PER1: variants seen among roughly 807,000 people sequenced by gnomAD.
PER1 encodes period circadian protein homolog 1.
A neutral mutation model predicts 125.9 loss-of-function variants in PER1; 87 were observed. The observed-to-expected ratio is 0.69, with a 90% CI of 0.58 to 0.83. PER1 has a LOEUF of 0.83. Among genes scored for constraint, PER1 ranks in the 40% least tolerant of loss-of-function variants. The pLI, the probability that PER1 is intolerant of heterozygous loss-of-function variation, is 0.00. For synonymous variants in PER1, 801 were observed against 714.7 expected (o/e 1.12, Z -1.93); for missense variants, 1,775 against 1,722.8 (o/e 1.03, Z -0.54).
At chr17:8,147,943 G>A in intron 10 of PER1, 54 bp downstream of exon 10, 1 of 1,583,020 alleles carries the variant, frequency 6.3e-7, no homozygotes, top group East Asian at 2.3e-5. Flanking sequence ...CACAAGGGCA[G>A]CCACTCAAAA....
chr17:8,143,342 G>A lies in PER1; in HGVS notation c.2996C>T (p.Ala999Val), dbSNP rs746132049. ...LEELPRAEGA[A>V]VAGGPGSSAG... ...ACTGCTCCCAGGGCCTCCTGCAACA[G>A]CAGCCCCCTCAGCACGGGGGAGCTC... Residue 999 changes from alanine (A) to valine (V), a missense_variant, in exon 19 of 23, where the codon GCT (alanine) becomes GTT (valine). Transcript: ENST00000317276. 1 of 1,609,750 alleles carries A rather than the reference G, an allele frequency of 6.2e-7. No homozygotes were observed. The highest frequency in any genetic ancestry group is 8.5e-7 in the Non-Finnish European group (1 of 1,177,814).
chr17:8,150,043 G>A lies in PER1; in HGVS notation c.457C>T (p.Arg153Cys), dbSNP rs139241830. 2.3e-4 allele frequency: 366 copies of A among 1,614,066 alleles called. No individual in the cohort carries two copies. Among genetic ancestry groups the A allele is most frequent in the Non-Finnish European group, 3.0e-4 (349 of 1,180,040 alleles). The stretch of plus-strand genomic sequence containing the variant: ...GTCCCAGAGCGGCCCTTGCCCCGGC[G>A]CTCTGGCGGCAGTCGAAGCTTGAGC... ...RELKLRLPPE[R>C]RGKGRSGTLA... The change falls in exon 4 of 23, where the codon CGC (arginine) becomes TGC (cysteine). Residue 153 changes from arginine to cysteine, a missense_variant. Physicochemically the swap from Arg to Cys is radical, Grantham distance 180. Coordinates refer to ENST00000317276, the MANE Select transcript of PER1 (RefSeq NM_002616.3).
At chr17:8,146,525 G>C in intron 15 of PER1, 23 bp from the exon 16 acceptor site, 1 of 1,608,746 alleles carries the variant, frequency 6.2e-7, no homozygotes, top group Non-Finnish European at 8.5e-7. Context: ...ACAGCACAGG[G>C]CATCAGAGCA....
chr17:8,143,007 T>C (rs1463565575), intron 19 of PER1, among the ~76,000 whole-genome samples, 172 bp from the exon 20 acceptor site: 1 of 152,144 alleles, frequency 6.6e-6, no homozygotes, highest in African/African-American at 2.4e-5. Context: ...AGAGTGGGGA[T>C]GTGAGGCCAG....
At chr17:8,144,727 C>A in intron 18 of PER1, 24 bp downstream of exon 18, 1 of 1,550,782 alleles carries the variant, frequency 6.4e-7, no homozygotes. Context: ...AGAGGGCAGG[C>A]TCCAGGAGGC....
At position 8,149,635 on chromosome 17, in the gene PER1, A is replaced by C; in HGVS notation, c.680T>G (p.Leu227Arg). ...CGAAATGTAGACGATTCGGCCCGTC[A>C]GGAAGGAGACAGCCACTGAGAAGGT... The part of the protein sequence containing the change: ...QDTFSVAVSF[L>R]TGRIVYISEQ... The change falls in exon 6 of 23, where the codon CTG becomes CGG. Residue 227 changes from leucine to arginine, a missense_variant. By Grantham distance (102) the Leu-to-Arg change is moderately radical. Transcript: ENST00000317276. 6.2e-7 allele frequency: 1 copy of C among 1,611,102 alleles called. No homozygotes were observed. The highest frequency in any genetic ancestry group is 1.1e-5 in the South Asian group (1 of 91,040).
chr17:8,146,568 TGGA>T (rs1271875506), intron 15 of PER1, 23 bp downstream of exon 15: 1 of 1,601,588 alleles, frequency 6.2e-7, no homozygotes, highest in Non-Finnish European at 8.5e-7. Flanking sequence ...GAGCCCGAGG[TGGA>T]GAAGATGCCT....
Position 8,141,125 on chromosome 17 carries a change from T to C in PER1, c.3816A>G (p.Glu1272=), listed in dbSNP as rs150097195. The change falls in exon 23 of 23, where the codon GAA becomes GAG. Residue 1272 remains glutamate (E), a synonymous_variant. Transcript: ENST00000317276. ...SSQDLAMEEE[E]EGRSSSSPAL... ...CTGGACTGGATGAGCTCCTGCCTTC[T>C]TCCTCCTCCTCCATAGCCAAGTCCT... 939 of 1,614,194 alleles carry C rather than the reference T, an allele frequency of 5.8e-4. 3 individuals are homozygous for C. In the African/African-American group the frequency reaches 0.01, roughly 17 times the overall value.
At chr17:8,145,312 A>G (rs1598250342) in intron 17 of PER1, 5 of 235,344 alleles carry the variant, frequency 2.1e-5, no homozygotes, top group Non-Finnish European at 3.1e-5. Context: ...TCCCTCACAC[A>G]TTTTCTTGTT....
rs1296324807 is a variant in PER1, at chr17:8,143,840, TGTC to T, written c.2495_2497del (p.Arg832del). The T allele has an allele frequency of 6.2e-7, 1 of 1,611,182 alleles. No homozygotes were observed. ...GCGCTTGGCTTTGGATCGGCAGTGG[TGTC>T]GGCGGCTTGGGGGTGCGGGGCCGTG... On this transcript the variant is annotated inframe_deletion, in exon 19 of 23. Coordinates refer to ENST00000317276, the MANE Select transcript of PER1 (RefSeq NM_002616.3).
At chr17:8,143,223 C>T in intron 19 of PER1, 43 bp downstream of exon 19, 1 of 1,231,982 alleles carries the variant, frequency 8.1e-7, no homozygotes, top group Non-Finnish European at 1.1e-6. Context: ...AGGGGCGGGG[C>T]TGGGGTGGGG....
intron 8 of PER1, 51 bp downstream of exon 8, chr17:8,148,593 G>A (rs1351635028): frequency 3.2e-6 from 5 of 1,550,598 alleles, no homozygotes; most frequent in East Asian, 2.3e-5. Context: ...TGGCCATGAG[G>A]AAATGTCCTT....
chr17:8,143,678 G>T lies in PER1; in HGVS notation c.2660C>A (p.Pro887Gln). 6.7e-7 allele frequency: 1 copy of T among 1,483,394 alleles called. No homozygotes were observed. The highest frequency in any genetic ancestry group is 2.5e-5 in the East Asian group (1 of 40,796). 91.9% of individuals were successfully genotyped at this position (1,483,394 alleles called of 1,614,324 possible). ...FPAVVQPYPL[P>Q]VFSPRGGPQP... ...GGGGCCTCCTCGAGGAGAGAACACTGGGAGAGGGTAGGGCTGGACAACCGC... is the reference window on the plus strand; with the variant it reads ...GGGGCCTCCTCGAGGAGAGAACACTTGGAGAGGGTAGGGCTGGACAACCGC... Residue 887 changes from proline to glutamine, a missense_variant, in exon 19 of 23, where the codon CCA (proline) becomes CAA (glutamine). Physicochemically the swap from Pro to Gln is moderately conservative, Grantham distance 76 (BLOSUM62 -1). Coordinates refer to ENST00000317276, the MANE Select transcript of PER1 (RefSeq NM_002616.3).
Position 8,140,941 on chromosome 17 carries a change from C to A in PER1, c.*127G>T. ...TCCTAGGCTGGTGATGGGGGTCCGG[C>A]CCCCTATGGTGGGAGAAGCTGGGGC... On this transcript the variant is annotated 3_prime_UTR_variant, in exon 23 of 23. Coordinates refer to ENST00000317276, the MANE Select transcript of PER1 (RefSeq NM_002616.3). The A allele has an allele frequency of 1.8e-6, 2 of 1,113,304 alleles. No homozygotes were observed. The highest frequency in any genetic ancestry group is 1.5e-5 in the South Asian group (1 of 65,778). The allele number at this position is 1,113,304 out of a possible 1,614,324, so 69.0% of individuals were successfully genotyped here.
At position 8,146,235 on chromosome 17, in the gene PER1, C is replaced by A. The variant is rs140103302; in HGVS notation, c.2039-98G>T. On this transcript the variant is annotated intron_variant, in intron 16 of 22. Transcript: ENST00000317276. ...AGGGGAAGGGGATGGTGGTAGGGAA[C>A]AGAGGGAACAGTCTGGAGACCAGGA... The A allele has an allele frequency of 2.8e-4, 431 of 1,523,168 alleles. 3 individuals carry two copies. In the African/African-American group the frequency reaches 5.4e-3, roughly 19 times the overall value. The allele number at this position is 1,523,168 out of a possible 1,614,324, so 94.4% of individuals were successfully genotyped here.
intron 19 of PER1, 135 bp from the exon 20 acceptor site, chr17:8,142,970 C>T: frequency 1.4e-6 from 1 of 696,008 alleles, no homozygotes; most frequent in South Asian, 1.8e-5. Context: ...ACAGTAGGGC[C>T]AGGCTGAGAG....
chr17:8,148,616 C>T, intron 8 of PER1, 28 bp downstream of exon 8: 1 of 1,573,246 alleles, frequency 6.4e-7, no homozygotes, highest in Non-Finnish European at 8.6e-7. Flanking sequence ...TCCCAGCCCC[C>T]ACCAGGCCAG....
intron 11 of PER1, 43 bp from the exon 12 acceptor site, chr17:8,147,621 C>A: frequency 1.2e-6 from 2 of 1,613,284 alleles, no homozygotes; most frequent in South Asian, 1.1e-5. Flanking sequence ...CGGTCCTGTC[C>A]CCCACCGCAC....
intron 17 of PER1, 72 bp from the exon 18 acceptor site, chr17:8,145,065 C>A: frequency 7.4e-7 from 1 of 1,354,534 alleles, no homozygotes; most frequent in South Asian, 2.2e-5. Context: ...CACACCCTCC[C>A]TGTCTGATAG....
Sources: gnomAD v4.1 joint callset for allele counts (sites outside exome capture counted in the v4.1 genomes callset) on GRCh38, gnomAD v4.1.1 for gene constraint, MANE v1.5 for transcripts, NCBI Gene and HGNC (gene_info 2026-07-23, HGNC 2026-07-21) for gene names.